Variants in SNX30 observed in about 807,000 individuals in gnomAD.
SNX30 encodes the protein sorting nexin family member 30.
SNX30 carries 24 observed loss-of-function variants against 46.4 expected under a neutral mutation model. The ratio of observed to expected loss-of-function variants is 0.52; its 90% CI spans 0.37 to 0.73. SNX30 has a LOEUF of 0.73. Ranked by LOEUF, SNX30 falls within the 30% of genes least tolerant of loss-of-function variation. The pLI, the probability that SNX30 is intolerant of heterozygous loss-of-function variation, is 0.00. For missense variants in SNX30, 533 were observed against 555.7 expected (o/e 0.96, Z 0.41); for synonymous variants, 189 against 211.5 (o/e 0.89, Z 0.92).
At chr9:112,876,866 G>T (rs1841523916), downstream of SNX30, among the ~76,000 whole-genome samples, 2 of 151,740 alleles carry the variant, frequency 1.3e-5, no homozygotes, top group Admixed American at 1.3e-4. Flanking sequence ...AACTCTGGAG[G>T]TGGAGGTTGC....
At chr9:112,809,318 G>C (rs866207868) in intron 2 of SNX30, among the ~76,000 whole-genome samples, 1 of 151,610 alleles carries the variant, frequency 6.6e-6, no homozygotes, top group African/African-American at 2.4e-5. Flanking sequence ...GACCTCAGGC[G>C]ATCTGCCCAC....
intron 1 of SNX30, among the ~76,000 whole-genome samples, chr9:112,792,868 C>A (rs568957689): frequency 2.5e-4 from 35 of 141,366 alleles, no homozygotes; most frequent in African/African-American, 9.2e-4. Context: ...GATTCTCTTT[C>A]CACTTTCTTT....
intron 1 of SNX30, among the ~76,000 whole-genome samples, chr9:112,752,163 G>C (rs1839288824): frequency 6.6e-6 from 1 of 152,174 alleles, no homozygotes; most frequent in African/African-American, 2.4e-5. Flanking sequence ...ATGTGGTACA[G>C]TGAAAAAGGA....
At chr9:112,762,241 G>A (rs1301455306) in intron 1 of SNX30, among the ~76,000 whole-genome samples, 1 of 152,046 alleles carries the variant, frequency 6.6e-6, no homozygotes, top group Non-Finnish European at 1.5e-5. Context: ...TGTGTTGGTG[G>A]GGGGGAAGTG....
chr9:112,819,947 TGTA>T (rs1840467216), intron 3 of SNX30, among the ~76,000 whole-genome samples: 1 of 152,244 alleles, frequency 6.6e-6, no homozygotes, highest in Non-Finnish European at 1.5e-5. Flanking sequence ...CTTTTTGTAC[TGTA>T]CTCTTTGGAA....
intron 1 of SNX30, among the ~76,000 whole-genome samples, chr9:112,782,131 A>G (rs1163962296): frequency 6.6e-6 from 1 of 151,746 alleles, no homozygotes; most frequent in Non-Finnish European, 1.5e-5. Flanking sequence ...CAATGGTGCA[A>G]CCTCGGCTCA....
chr9:112,791,358 G>T (rs1840016946), intron 1 of SNX30, among the ~76,000 whole-genome samples: 1 of 130,006 alleles, frequency 7.7e-6, no homozygotes. Flanking sequence ...AAGATTAATT[G>T]CTGATGTTTT....
intron 1 of SNX30, among the ~76,000 whole-genome samples, chr9:112,754,526 C>T (rs1839320584): frequency 6.6e-6 from 1 of 151,614 alleles, no homozygotes; most frequent in Non-Finnish European, 1.5e-5. Context: ...CTGCCTCAGC[C>T]TCCTGAGTAG....
chr9:112,765,511 A>G (rs4574920), intron 1 of SNX30, among the ~76,000 whole-genome samples: 10,375 of 152,112 alleles, frequency 0.068, 454 homozygotes, highest in Non-Finnish European at 0.099. Context: ...GAGTTTTCCT[A>G]TTCTGGACAT....
At chr9:112,768,644 C>CT (rs71384272) in intron 1 of SNX30, among the ~76,000 whole-genome samples, 1 of 46,230 alleles carries the variant, frequency 2.2e-5, no homozygotes, top group Non-Finnish European at 3.9e-5. Flanking sequence ...ATAATTCTTT[C>CT]TTCTTTTTTT....
intron 1 of SNX30, among the ~76,000 whole-genome samples, chr9:112,780,457 A>C (rs787301): frequency 0.87 from 132,788 of 152,168 alleles, 58,136 homozygotes; most frequent in Middle Eastern, 0.91. Flanking sequence ...TAAGGAAATC[A>C]TTCTAGAGTC....
At chr9:112,842,202 C>A (rs111742413) in intron 6 of SNX30, among the ~76,000 whole-genome samples, 24 of 152,302 alleles carry the variant, frequency 1.6e-4, no homozygotes, top group African/African-American at 5.8e-4. Context: ...CCTGGCCTCC[C>A]AAAATGCTGG....
chr9:112,848,595 G>A (rs927631752), intron 6 of SNX30, among the ~76,000 whole-genome samples: 4 of 152,214 alleles, frequency 2.6e-5, no homozygotes, highest in Admixed American at 6.5e-5. Context: ...GGGAAGATGC[G>A]CGTTCACTCT....
chr9:112,750,683 C>T (rs1396673725), upstream of SNX30, among the ~76,000 whole-genome samples: 2 of 151,554 alleles, frequency 1.3e-5, no homozygotes, highest in Non-Finnish European at 3.0e-5. Context: ...GCCCTCCCCG[C>T]CCCCTCCCGG....
intron 8 of SNX30, among the ~76,000 whole-genome samples, chr9:112,865,657 A>ATGTG (rs1399648106): frequency 2.5e-5 from 2 of 81,434 alleles, no homozygotes; most frequent in African/African-American, 1.2e-4. Flanking sequence ...ATATATATAT[A>ATGTG]TATATGTATG....
intron 1 of SNX30, among the ~76,000 whole-genome samples, chr9:112,784,274 C>T (rs1346622988): frequency 2.6e-5 from 4 of 152,104 alleles, no homozygotes; most frequent in African/African-American, 4.8e-5. Flanking sequence ...CTCCCTCTCA[C>T]GTCTCCTGTA....
At chr9:112,865,651 A>ATGTGTGTGTGTGTGTGTGTGTGTGTGTG (rs1170776453) in intron 8 of SNX30, among the ~76,000 whole-genome samples, 6 of 86,148 alleles carry the variant, frequency 7.0e-5, no homozygotes, top group Non-Finnish European at 1.4e-4. Context: ...ATATATATAT[A>ATGTGTGTGTGTGTGTGTGTGTGTGTGTG]TATATATATA....
chr9:112,795,041 A>T (rs1013810886), intron 1 of SNX30, among the ~76,000 whole-genome samples: 1 of 152,216 alleles, frequency 6.6e-6, no homozygotes, highest in Non-Finnish European at 1.5e-5. Context: ...AATCATTAAG[A>T]AAATATATTT....
At chr9:112,768,647 C>CTTCTTCTTCTTTTTTTTTTT (rs1554748345) in intron 1 of SNX30, among the ~76,000 whole-genome samples, 1 of 64,366 alleles carries the variant, frequency 1.6e-5, no homozygotes, top group African/African-American at 5.3e-5. Flanking sequence ...ATTCTTTCTT[C>CTTCTTCTTCTTTTTTTTTTT]TTTTTTTTTT....
Sources: allele counts gnomAD v4.1 joint callset (sites outside exome capture counted in the v4.1 genomes callset), GRCh38; gene constraint gnomAD v4.1.1; transcripts MANE v1.5; gene names NCBI Gene and HGNC (gene_info 2026-07-23, HGNC 2026-07-21).